SMPD3: variants seen among roughly 807,000 people sequenced by gnomAD.
SMPD3 encodes nSMase-2.
SMPD3 carries 21 observed loss-of-function variants against 55.7 expected under a neutral mutation model. That is an observed-to-expected ratio of 0.38 (90% CI 0.27 to 0.54). SMPD3 has a LOEUF of 0.54. Among genes scored for constraint, SMPD3 ranks in the 20% least tolerant of loss-of-function variants. The pLI is 0.80. For missense variants in SMPD3, 842 were observed against 899.6 expected (o/e 0.94, Z 0.82); for synonymous variants, 457 against 404.3 (o/e 1.13, Z -1.56).
chr16:68,426,820 C>T (rs549631752), intron 1 of SMPD3, among the ~76,000 whole-genome samples: 2 of 152,138 alleles, frequency 1.3e-5, no homozygotes, highest in Admixed American at 6.5e-5. Flanking sequence ...TAATAATAAC[C>T]TCATTTGTGG....
At chr16:68,366,390 A>G (rs2089478717) in intron 3 of SMPD3, among the ~76,000 whole-genome samples, 1 of 152,190 alleles carries the variant, frequency 6.6e-6, no homozygotes, top group South Asian at 2.1e-4. Context: ...TTCCTTCCCC[A>G]GCACCTGGGG....
At chr16:68,416,234 G>A in intron 1 of SMPD3, among the ~76,000 whole-genome samples, 1 of 152,208 alleles carries the variant, frequency 6.6e-6, no homozygotes, top group Admixed American at 6.5e-5. Context: ...GAACTCCTGT[G>A]AATGAAAACT....
chr16:68,403,451 C>T (rs1025545764), intron 1 of SMPD3, among the ~76,000 whole-genome samples: 14 of 152,168 alleles, frequency 9.2e-5, no homozygotes, highest in Admixed American at 9.2e-4. Context: ...TCTATTTCTG[C>T]CTTCATTCAT....
rs61068644 is a variant in SMPD3, at chr16:68,385,688, G to T, written c.-207+910C>A. On this transcript the variant is annotated intron_variant, in intron 2 of 8. Transcript: ENST00000219334. ...GGGCTCTTACAGTAGTCTTGTTTTC[G>T]CTCCTAGTCTGAGGTTCCTGACTGT... 3.4e-3 allele frequency among the ~76,000 whole-genome samples: 522 copies of T among 152,166 alleles called. 5 individuals are homozygous for T. Among genetic ancestry groups the T allele is most frequent in the African/African-American group, 0.012 (480 of 41,502 alleles).
chr16:68,425,419 G>T (rs963479550), intron 1 of SMPD3, among the ~76,000 whole-genome samples: 1 of 152,136 alleles, frequency 6.6e-6, no homozygotes, highest in African/African-American at 2.4e-5. Context: ...GGTTTCACAT[G>T]AATAATCAGT....
In SMPD3 at chr16:68,359,449, G is replaced by A. The variant is rs557040354; in HGVS notation, c.*1757C>T. The A allele has an allele frequency of 2.0e-5, 3 of 152,682 alleles. No individual in the cohort carries two copies. The highest frequency in any genetic ancestry group is 4.4e-5 in the Non-Finnish European group (3 of 68,132). The allele number at this position is 152,682 out of a possible 1,614,324, so 9.5% of individuals were successfully genotyped here. A position where few individuals can be genotyped will look rare whatever the true frequency, so the allele number is the denominator to read the frequency against. On this transcript the variant is annotated 3_prime_UTR_variant, in exon 9 of 9. Coordinates refer to ENST00000219334, the MANE Select transcript of SMPD3 (RefSeq NM_018667.4). ...TTCCCAGGCCAGGTGAGTTCAGACAGGCCAGTGTCACAAGGACGCACGTCC... is the reference window on the plus strand; with the variant it reads ...TTCCCAGGCCAGGTGAGTTCAGACAAGCCAGTGTCACAAGGACGCACGTCC...
At chr16:68,415,592 T>C (rs2090332754) in intron 1 of SMPD3, among the ~76,000 whole-genome samples, 1 of 152,246 alleles carries the variant, frequency 6.6e-6, no homozygotes, top group Non-Finnish European at 1.5e-5. Context: ...TTAGGTAACC[T>C]GAAAAGTGTA....
chr16:68,377,192 C>T (rs1002144421), intron 2 of SMPD3, among the ~76,000 whole-genome samples: 2 of 152,228 alleles, frequency 1.3e-5, no homozygotes, highest in African/African-American at 4.8e-5. Flanking sequence ...TAGCTTGTGG[C>T]TGTTCCCTGC....
In SMPD3 at chr16:68,370,953, G is replaced by A. The variant is rs2089646875; in HGVS notation, c.1229C>T (p.Ala410Val). ...FKCLNSGLLF[A>V]SRYPIMDVAY... ...CACGTCCATGATGGGGTAGCGGCTGGCAAAGAGGAGGCCGCTGTTGAGACA... is the reference window on the plus strand; with the variant it reads ...CACGTCCATGATGGGGTAGCGGCTGACAAAGAGGAGGCCGCTGTTGAGACA... The change falls in exon 3 of 9, where the codon GCC becomes GTC. Residue 410 changes from alanine (A) to valine (V), a missense_variant. Physicochemically the swap from Ala to Val is moderately conservative, Grantham distance 64. Around this residue, in one of 2 missense-constraint regions of SMPD3, gnomAD observed 649 missense variants for 643.6 expected, o/e 1.01. Transcript: ENST00000219334. 4.3e-6 allele frequency: 7 copies of A among 1,613,978 alleles called. No homozygotes were observed. Among genetic ancestry groups the A allele is most frequent in the Non-Finnish European group, 5.9e-6 (7 of 1,180,026 alleles).
At chr16:68,377,585 A>G (rs975824226) in intron 2 of SMPD3, among the ~76,000 whole-genome samples, 2 of 152,172 alleles carry the variant, frequency 1.3e-5, no homozygotes, top group Non-Finnish European at 2.9e-5. Context: ...CACTGGCCTG[A>G]GGGCTCAGGG....
At chr16:68,374,726 TC>T (rs777551311) in intron 2 of SMPD3, among the ~76,000 whole-genome samples, 4 of 151,904 alleles carry the variant, frequency 2.6e-5, no homozygotes, top group East Asian at 1.9e-4. Flanking sequence ...GCTGGAGGGT[TC>T]CCCCCCAGCA....
intron 1 of SMPD3, among the ~76,000 whole-genome samples, chr16:68,427,396 G>T (rs1856664578): frequency 6.6e-6 from 1 of 152,214 alleles, no homozygotes; most frequent in African/African-American, 2.4e-5. Flanking sequence ...GAGGAATAAT[G>T]AATGCATCTA....
chr16:68,393,212 A>T (rs1233559607), intron 1 of SMPD3, among the ~76,000 whole-genome samples: 2 of 152,100 alleles, frequency 1.3e-5, no homozygotes, highest in African/African-American at 2.4e-5. Flanking sequence ...CAAGACCAGC[A>T]TGGCCAACAT....
At chr16:68,429,479 G>A (rs1379393643) in intron 1 of SMPD3, among the ~76,000 whole-genome samples, 1 of 152,222 alleles carries the variant, frequency 6.6e-6, no homozygotes, top group Non-Finnish European at 1.5e-5. Flanking sequence ...AGCGCTTCAA[G>A]CCTCCTGTAT....
At chr16:68,391,419 A>G (rs2090109790) in intron 1 of SMPD3, among the ~76,000 whole-genome samples, 1 of 152,222 alleles carries the variant, frequency 6.6e-6, no homozygotes, top group South Asian at 2.1e-4. Flanking sequence ...CACACTTGGA[A>G]AGACTGTGCA....
rs370105416 is a variant in SMPD3, at chr16:68,387,240, C to T, written c.-268-581G>A. Among the ~76,000 whole-genome samples, 5 of 152,010 alleles carry T rather than the reference C, an allele frequency of 3.3e-5. No homozygotes were observed. The South Asian group carries it at 1.0e-3, about 31-fold the overall frequency. ...AACCAAAGGGATTTGGTGGCTCCCCCCTTATCTAAGGGGGAGCAGGTCAGT... is the reference window on the plus strand; with the variant it reads ...AACCAAAGGGATTTGGTGGCTCCCCTCTTATCTAAGGGGGAGCAGGTCAGT... On this transcript the variant is annotated intron_variant, in intron 1 of 8. Transcript: ENST00000219334.
intron 1 of SMPD3, among the ~76,000 whole-genome samples, chr16:68,388,129 C>A (rs1280770431): frequency 1.3e-5 from 2 of 152,222 alleles, no homozygotes; most frequent in Non-Finnish European, 2.9e-5. Flanking sequence ...ATTGCCAGAT[C>A]AGAGTGGGAA....
chr16:68,438,467 A>G (rs74747999), intron 1 of SMPD3, among the ~76,000 whole-genome samples: 4 of 152,246 alleles, frequency 2.6e-5, no homozygotes, highest in African/African-American at 9.6e-5. Context: ...CAAATTACCC[A>G]GATTCAGTGA....
chr16:68,439,296 G>A (rs1051805185), intron 1 of SMPD3, among the ~76,000 whole-genome samples: 4 of 152,218 alleles, frequency 2.6e-5, no homozygotes, highest in South Asian at 2.1e-4. Flanking sequence ...TCCAGCCCCC[G>A]TTCCTTGGTT....
Sources: allele counts gnomAD v4.1 joint callset (sites outside exome capture counted in the v4.1 genomes callset), GRCh38; gene constraint gnomAD v4.1.1; regional missense constraint gnomAD v4.1.1; transcripts MANE v1.5; gene names NCBI Gene and HGNC (gene_info 2026-07-23, HGNC 2026-07-21).